Variants in USO1 observed in about 807,000 individuals in gnomAD.
USO1 encodes general vesicular transport factor p115.
Under a neutral mutation model 124.5 loss-of-function variants are expected in USO1, and 57 were observed. The observed-to-expected ratio is 0.46, with a 90% CI of 0.37 to 0.57. USO1 has a LOEUF of 0.57. Ranked by LOEUF, USO1 falls within the 20% of genes least tolerant of loss-of-function variation. The pLI is 0.00. For missense variants in USO1, 900 were observed against 1,040.6 expected, an observed-to-expected ratio of 0.86 and a Z score of 1.86; for synonymous variants, 369 against 362.8, an observed-to-expected ratio of 1.02 and a Z score of -0.19.
intron 4 of USO1, among the ~76,000 whole-genome samples, chr4:75,764,570 C>G (rs896239652): frequency 6.6e-6 from 1 of 152,118 alleles, no homozygotes; most frequent in African/African-American, 2.4e-5. Flanking sequence ...AATATTTCAA[C>G]ATTTTAAAAT....
At chr4:75,800,562 A>G (rs368073025) in intron 15 of USO1, 56 bp from the exon 16 acceptor site, 1 of 1,420,284 alleles carries the variant, frequency 7.0e-7, no homozygotes, top group Admixed American at 2.8e-5. Flanking sequence ...CCAAGCTTTT[A>G]TGTTTTGTTT....
Position 75,801,159 on chromosome 4 carries a change from G to A in USO1, c.1945G>A (p.Asp649Asn). The A allele has an allele frequency of 2.5e-6, 4 of 1,610,974 alleles. No homozygotes were observed. Among genetic ancestry groups the A allele is most frequent in the Non-Finnish European group, 3.4e-6 (4 of 1,178,738 alleles). The part of the protein sequence containing the change: ...EEVKKTLEQH[D>N]NIVTHYKNMI... ...GGTGAAAAAAACATTAGAACAGCAT[G>A]ACAATATTGTGACTCACTACAAAAA... is the stretch of plus-strand genomic sequence containing the variant. The change falls in exon 17 of 24, where the codon GAC (aspartate) becomes AAC (asparagine). Residue 649 changes from aspartate to asparagine, a missense_variant. Asp to Asn is a conservative substitution (Grantham distance 23). This residue lies in a region of USO1 where 362 missense variants were observed against 359.0 expected (regional missense o/e 1.01). Coordinates refer to ENST00000514213, the MANE Select transcript of USO1 (RefSeq NM_003715.4).
In USO1 at chr4:75,758,864, A is replaced by C. The variant is rs539721566; in HGVS notation, c.295+1291A>C. Among the ~76,000 whole-genome samples, 15 of 152,362 alleles carry C rather than the reference A, an allele frequency of 9.8e-5. No homozygotes were observed. In the South Asian group the frequency reaches 1.5e-3, roughly 15 times the overall value. On this transcript the variant is annotated intron_variant, in intron 4 of 23. Transcript: ENST00000514213. ...TTGTCAGTCACGTGACAATACATAGATACAATACACACAAGAATATACTTT... is the reference window on the plus strand; with the variant it reads ...TTGTCAGTCACGTGACAATACATAGCTACAATACACACAAGAATATACTTT...
intron 8 of USO1, among the ~76,000 whole-genome samples, chr4:75,778,487 A>G (rs944430029): frequency 6.6e-6 from 1 of 152,158 alleles, no homozygotes; most frequent in African/African-American, 2.4e-5. Flanking sequence ...GAAAACATAT[A>G]TATAAGTGGA....
At chr4:75,754,965 C>T (rs907140333) in intron 3 of USO1, among the ~76,000 whole-genome samples, 14 of 152,202 alleles carry the variant, frequency 9.2e-5, no homozygotes, top group East Asian at 5.8e-4. Context: ...TGCCATGAAG[C>T]CATCAGCCAG....
In USO1 at chr4:75,732,320, T is replaced by C. The variant is rs6813480; in HGVS notation, c.66+7435T>C. ...TAATGGCTACCAGCTGCATCTATGT[T>C]GCTGCAAAGGGCATGATTTTATTCT... On this transcript the variant is annotated intron_variant, in intron 1 of 23. Transcript: ENST00000514213. 7.9e-3 allele frequency among the ~76,000 whole-genome samples: 1,196 copies of C among 152,342 alleles called. 17 individuals carry two copies. Among genetic ancestry groups the C allele is most frequent in the African/African-American group, 0.027 (1,124 of 41,578 alleles).
chr4:75,744,093 T>TA (rs1721050226), intron 1 of USO1, among the ~76,000 whole-genome samples: 1 of 152,124 alleles, frequency 6.6e-6, no homozygotes, highest in Non-Finnish European at 1.5e-5. Context: ...TTCTTTTTTT[T>TA]ATTAGATCCA....
chr4:75,735,835 T>C (rs1257879621), intron 1 of USO1, among the ~76,000 whole-genome samples: 1 of 152,164 alleles, frequency 6.6e-6, no homozygotes, highest in Non-Finnish European at 1.5e-5. Context: ...ACATTCCTCA[T>C]CTCAGTTTTT....
intron 21 of USO1, among the ~76,000 whole-genome samples, chr4:75,809,734 C>G (rs1053212586): frequency 1.3e-5 from 2 of 152,164 alleles, no homozygotes; most frequent in Admixed American, 6.5e-5. Flanking sequence ...TTCTTCTTCT[C>G]ACTATGACCA....
At chr4:75,775,309 T>G (rs781313085) in intron 8 of USO1, among the ~76,000 whole-genome samples, 27 of 151,994 alleles carry the variant, frequency 1.8e-4, no homozygotes, top group Non-Finnish European at 2.9e-4. Flanking sequence ...GAGGCTGAAG[T>G]GGGTGGATCA....
rs769549651 is a variant in USO1, at chr4:75,782,676, C to T, written c.677-4C>T. On this transcript the variant is annotated splice_region_variant and splice_polypyrimidine_tract_variant and intron_variant, in intron 8 of 23. Transcript: ENST00000514213. ...AACGCTTGTGTTTTACATTATTTCC[C>T]CAGGTATAGTAGTTGAAGATTGTTT... 2 of 1,540,528 alleles carry T rather than the reference C, an allele frequency of 1.3e-6. No individual in the cohort carries two copies. The highest frequency in any genetic ancestry group is 1.7e-6 in the Non-Finnish European group (2 of 1,146,618).
chr4:75,736,833 A>G (rs1720806569), intron 1 of USO1, among the ~76,000 whole-genome samples: 1 of 152,148 alleles, frequency 6.6e-6, no homozygotes, highest in Non-Finnish European at 1.5e-5. Context: ...TCTTTTTTCT[A>G]CTGTCATTCC....
chr4:75,725,493 A>G (rs889248103), intron 1 of USO1, among the ~76,000 whole-genome samples: 1 of 152,158 alleles, frequency 6.6e-6, no homozygotes, highest in Admixed American at 6.5e-5. Flanking sequence ...GGGCTCACCC[A>G]AATATATATC....
At chr4:75,798,097 T>C (rs1722741432) in intron 13 of USO1, among the ~76,000 whole-genome samples, 1 of 152,188 alleles carries the variant, frequency 6.6e-6, no homozygotes, top group Admixed American at 6.5e-5. Context: ...CCTGAGTACT[T>C]TATCTTTTTT....
chr4:75,809,578 T>G (rs1723088119), intron 21 of USO1, among the ~76,000 whole-genome samples: 1 of 152,228 alleles, frequency 6.6e-6, no homozygotes, highest in Non-Finnish European at 1.5e-5. Flanking sequence ...AGTTCTGCTG[T>G]CCACAAAACA....
chr4:75,760,643 G>A, intron 4 of USO1: 2 of 397,292 alleles, frequency 5.0e-6, no homozygotes, highest in Non-Finnish European at 8.9e-6. Context: ...ATGCTTTTAG[G>A]CATAGTTTCT....
intron 7 of USO1, among the ~76,000 whole-genome samples, chr4:75,772,222 A>G (rs754370410): frequency 2.4e-4 from 36 of 152,292 alleles, no homozygotes; most frequent in Admixed American, 1.2e-3. Flanking sequence ...AACTTAATAC[A>G]GTATGTAACT....
chr4:75,808,880 G>A, intron 20 of USO1, 73 bp from the exon 21 acceptor site: 1 of 1,449,272 alleles, frequency 6.9e-7, no homozygotes, highest in Non-Finnish European at 9.2e-7. Flanking sequence ...TTTTTTAAAT[G>A]TCTCCCTGTA....
intron 3 of USO1, among the ~76,000 whole-genome samples, chr4:75,754,686 A>G (rs1334741778): frequency 6.6e-6 from 1 of 152,106 alleles, no homozygotes; most frequent in Non-Finnish European, 1.5e-5. Flanking sequence ...TAGGGAACTC[A>G]TTCCTCTCCT....
Sources: gnomAD v4.1 joint callset for allele counts (sites outside exome capture counted in the v4.1 genomes callset) on GRCh38, gnomAD v4.1.1 for gene constraint, gnomAD v4.1.1 regional missense constraint, MANE v1.5 for transcripts, NCBI Gene and HGNC (gene_info 2026-07-23, HGNC 2026-07-21) for gene names.